The following RBFOX1 variants were observed in gnomAD, a reference collection of about 807,000 sequenced individuals.
RBFOX1 encodes RNA binding fox-1 homolog 1, also known as RNA binding protein fox-1 homolog 1.
In RBFOX1, 8 loss-of-function variants were observed where a neutral mutation model predicts 57.7. That is an observed-to-expected ratio of 0.14 (90% CI 0.08 to 0.25). The LOEUF (loss-of-function observed/expected upper bound fraction) is 0.25, where lower values mean the gene tolerates loss of function less well. Among genes scored for constraint, RBFOX1 ranks in the 10% least tolerant of loss-of-function variants. The pLI, the probability that RBFOX1 is intolerant of heterozygous loss-of-function variation, is 1.00. For synonymous variants in RBFOX1, 326 were observed against 222.4 expected (o/e 1.47, Z -4.15); for missense variants, 611 against 548.5 (o/e 1.11, Z -1.14).
At chr16:6,009,476 G>A (rs1368530221) in intron 4 of RBFOX1, among the ~76,000 whole-genome samples, 1 of 152,124 alleles carries the variant, frequency 6.6e-6, no homozygotes, top group African/African-American at 2.4e-5. Flanking sequence ...TGGCTCCAGG[G>A]ACTTAGAAAT....
chr16:5,732,178 G>T (rs994211751), intron 3 of RBFOX1, among the ~76,000 whole-genome samples: 10 of 152,182 alleles, frequency 6.6e-5, no homozygotes, highest in Non-Finnish European at 7.3e-5. Context: ...ATTGGCACCT[G>T]CTGCATGGAG....
At chr16:6,993,173 G>C (rs903233176) in intron 3 of RBFOX1, among the ~76,000 whole-genome samples, 1 of 152,062 alleles carries the variant, frequency 6.6e-6, no homozygotes, top group Non-Finnish European at 1.5e-5. Context: ...TGTCTCACTT[G>C]TCAAATAAAA....
At chr16:5,456,151 A>G (rs526252) in intron 1 of RBFOX1, among the ~76,000 whole-genome samples, 24 of 152,244 alleles carry the variant, frequency 1.6e-4, no homozygotes, top group African/African-American at 5.3e-4. Flanking sequence ...TATGCTATCT[A>G]TAGTCAAAAA....
chr16:7,082,571 A>AGT (rs756481075), intron 4 of RBFOX1, among the ~76,000 whole-genome samples: 1,627 of 152,226 alleles, frequency 0.011, 14 homozygotes, highest in Non-Finnish European at 0.016. Context: ...CAAAAAAAAA[A>AGT]AAATAAAAAT....
chr16:5,940,553 G>C (rs2059258720), intron 4 of RBFOX1, among the ~76,000 whole-genome samples: 1 of 152,174 alleles, frequency 6.6e-6, no homozygotes. Flanking sequence ...TTTAATGACA[G>C]CTTGCTTTGG....
At chr16:5,770,331 A>T (rs62014104) in intron 3 of RBFOX1, among the ~76,000 whole-genome samples, 20,735 of 151,872 alleles carry the variant, frequency 0.14, 1,622 homozygotes, top group African/African-American at 0.2. Context: ...CTTTGTATGC[A>T]TTAATGCATT....
chr16:6,968,821 GTT>G (rs111367350), intron 3 of RBFOX1, among the ~76,000 whole-genome samples: 3 of 142,088 alleles, frequency 2.1e-5, no homozygotes, highest in African/African-American at 2.6e-5. Context: ...AGGTTTTTTT[GTT>G]TTTTTTTTTT....
chr16:7,654,893 AAAG>A (rs906343859), intron 12 of RBFOX1, among the ~76,000 whole-genome samples: 1 of 152,172 alleles, frequency 6.6e-6, no homozygotes, highest in African/African-American at 2.4e-5. Flanking sequence ...CCCCAACAAG[AAAG>A]AATTATCAGA....
intron 3 of RBFOX1, among the ~76,000 whole-genome samples, chr16:6,790,959 G>A (rs934968341): frequency 1.3e-5 from 2 of 151,902 alleles, no homozygotes; most frequent in African/African-American, 4.8e-5. Flanking sequence ...AGGTTGGAGT[G>A]CATTGGTATG....
intron 1 of RBFOX1, among the ~76,000 whole-genome samples, chr16:6,122,724 T>C (rs1186284890): frequency 2.6e-5 from 4 of 151,634 alleles, no homozygotes; most frequent in Admixed American, 6.6e-5. Flanking sequence ...TTTCAGTTAA[T>C]GGGAAAAAAA....
At chr16:5,384,597 G>T (rs2066210368) in intron 1 of RBFOX1, among the ~76,000 whole-genome samples, 1 of 152,166 alleles carries the variant, frequency 6.6e-6, no homozygotes, top group Non-Finnish European at 1.5e-5. Context: ...GACTCCAAAG[G>T]TGATGAGGAG....
intron 1 of RBFOX1, among the ~76,000 whole-genome samples, chr16:6,133,315 T>C (rs2096643144): frequency 6.6e-6 from 1 of 152,226 alleles, no homozygotes; most frequent in African/African-American, 2.4e-5. Flanking sequence ...CACGTTGCTC[T>C]CTCTAGCATG....
intron 14 of RBFOX1, among the ~76,000 whole-genome samples, chr16:7,687,447 G>T (rs2076303655): frequency 6.6e-6 from 1 of 152,014 alleles, no homozygotes; most frequent in Non-Finnish European, 1.5e-5. Context: ...TTAGCTCAGT[G>T]CCTGATATGT....
At chr16:6,862,673 G>C (rs11649354) in intron 3 of RBFOX1, among the ~76,000 whole-genome samples, 35,926 of 151,940 alleles carry the variant, frequency 0.24, 4,764 homozygotes, top group Admixed American at 0.36. Flanking sequence ...AGAGCTGGAG[G>C]TAGAATTGGA....
intron 4 of RBFOX1, among the ~76,000 whole-genome samples, chr16:7,057,658 A>C (rs1025548715): frequency 3.3e-5 from 5 of 152,082 alleles, no homozygotes; most frequent in Non-Finnish European, 7.4e-5. Flanking sequence ...CCCAGGGCCA[A>C]CTCTTGAGGG....
At chr16:7,124,695 C>T (rs1472102388) in intron 4 of RBFOX1, among the ~76,000 whole-genome samples, 1 of 151,738 alleles carries the variant, frequency 6.6e-6, no homozygotes, top group African/African-American at 2.4e-5. Flanking sequence ...CGAAAATCTC[C>T]CCACATACAC....
rs1362315 is a variant in RBFOX1 at position 6,220,478 on chromosome 16, A to T, written c.-126-96517A>T. On this transcript the variant is annotated intron_variant, in intron 1 of 15. Transcript: ENST00000550418. ...GCTTTCATTTCTCCTAGATTCCCTC[A>T]GTCCTGTAGACTATATTGAGTTATA... Among the ~76,000 whole-genome samples, 4 of 152,176 alleles carry T rather than the reference A, an allele frequency of 2.6e-5. No individual in the cohort carries two copies. In the South Asian group the frequency reaches 6.2e-4, roughly 24 times the overall value.
chr16:6,636,274 C>G (rs2098432481), intron 2 of RBFOX1, among the ~76,000 whole-genome samples: 2 of 152,040 alleles, frequency 1.3e-5, no homozygotes, highest in Non-Finnish European at 2.9e-5. Flanking sequence ...GGGTTCATGC[C>G]ATTCTCCTGC....
At chr16:7,145,885 A>T (rs2074864066) in intron 4 of RBFOX1, among the ~76,000 whole-genome samples, 1 of 152,046 alleles carries the variant, frequency 6.6e-6, no homozygotes, top group African/African-American at 2.4e-5. Flanking sequence ...TAGTTCTCTG[A>T]GGTTCCCATC....
Sources: allele counts gnomAD v4.1 joint callset (sites outside exome capture counted in the v4.1 genomes callset), GRCh38; gene constraint gnomAD v4.1.1; transcripts MANE v1.5; gene names NCBI Gene and HGNC (gene_info 2026-07-23, HGNC 2026-07-21).